Variants in CNNM1 observed in about 807,000 individuals in gnomAD.
CNNM1 encodes cyclin and CBS domain divalent metal cation transport mediator 1.
CNNM1 carries 44 observed loss-of-function variants against 78.8 expected under a neutral mutation model. The observed-to-expected ratio is 0.56, with a 90% CI of 0.44 to 0.72. CNNM1 has a LOEUF of 0.72. Among genes scored for constraint, CNNM1 ranks in the 30% least tolerant of loss-of-function variants. The probability of loss-of-function intolerance (pLI) is 0.00; values close to 1 mark genes in which losing one functional copy is unlikely to be tolerated. For synonymous variants in CNNM1, 584 were observed against 581.5 expected (o/e 1.00, Z -0.06); for missense variants, 1,101 against 1,292.2 (o/e 0.85, Z 2.27).
chr10:99,362,793 C>T (rs1366425110), intron 4 of CNNM1, among the ~76,000 whole-genome samples: 1 of 152,146 alleles, frequency 6.6e-6, no homozygotes, highest in Non-Finnish European at 1.5e-5. Flanking sequence ...AAACCCTTCT[C>T]TCTGTCAAGT....
intron 1 of CNNM1, among the ~76,000 whole-genome samples, chr10:99,347,762 C>T (rs2030762218): frequency 1.3e-5 from 2 of 152,066 alleles, no homozygotes; most frequent in Admixed American, 1.3e-4. Context: ...GCATTGGCCT[C>T]CTTGCCATTC....
chr10:99,377,279 G>A (rs1364294807), intron 7 of CNNM1, 61 bp downstream of exon 7: 6 of 1,515,326 alleles, frequency 4.0e-6, no homozygotes, highest in African/African-American at 1.4e-5. Flanking sequence ...TGGCTGAGCG[G>A]GACAAGAAGA....
chr10:99,385,658 T>C (rs901643482), intron 7 of CNNM1, among the ~76,000 whole-genome samples: 12 of 152,252 alleles, frequency 7.9e-5, no homozygotes, highest in African/African-American at 2.7e-4. Flanking sequence ...GTTATCTCAT[T>C]ATCTCTGGGC....
At chr10:99,335,130 A>G (rs765173075) in intron 1 of CNNM1, among the ~76,000 whole-genome samples, 1 of 152,196 alleles carries the variant, frequency 6.6e-6, no homozygotes, top group Non-Finnish European at 1.5e-5. Context: ...ATTCACCTCC[A>G]GTTTCTGCAG....
intron 6 of CNNM1, among the ~76,000 whole-genome samples, chr10:99,376,210 T>A (rs1564956890): frequency 6.6e-6 from 1 of 152,112 alleles, no homozygotes; most frequent in East Asian, 1.9e-4. Context: ...TGTCCTCCCT[T>A]CTAAACCACA....
chr10:99,334,938 A>G (rs1047238656), intron 1 of CNNM1, among the ~76,000 whole-genome samples: 1 of 152,214 alleles, frequency 6.6e-6, no homozygotes, highest in Non-Finnish European at 1.5e-5. Flanking sequence ...GATCAATAAC[A>G]TGACTTGTAC....
At position 99,390,545 on chromosome 10, in the gene CNNM1, G is replaced by A. The variant is rs116932279; in HGVS notation, c.2776+138G>A. The A allele has an allele frequency of 2.3e-3, 1,541 of 665,776 alleles. 25 individuals are homozygous for A. The East Asian group carries it at 0.035, about 15-fold the overall frequency. 41.2% of individuals were successfully genotyped at this position (665,776 alleles called of 1,614,324 possible). A position where few individuals can be genotyped will look rare whatever the true frequency, so the allele number is the denominator to read the frequency against. ...TAATGAGGTACAATTGTGGAAATCC[G>A]CAGAAGGGGTTGGGCCAGCACTGCA... On this transcript the variant is annotated intron_variant, in intron 10 of 10. Coordinates refer to ENST00000356713, the MANE Select transcript of CNNM1 (RefSeq NM_020348.3).
At chr10:99,364,629 A>AGGC in intron 5 of CNNM1, 113 bp downstream of exon 5, 1 of 853,752 alleles carries the variant, frequency 1.2e-6, no homozygotes, top group Non-Finnish European at 1.8e-6. Flanking sequence ...TGGACAAGCC[A>AGGC]TTTAACTTCC....
At position 99,329,448 on chromosome 10, in the gene CNNM1, C is replaced by A. The variant is rs1453576185; in HGVS notation, c.61C>A (p.Arg21=). Residue 21 remains arginine (R), a synonymous_variant, in exon 1 of 11, where the codon CGA becomes AGA. Transcript: ENST00000356713. ...VGVRLRDCCS[R]GAVLLLFFSL... ...TGTCAGGCTCCGGGACTGCTGCAGC[C>A]GAGGCGCTGTGCTCCTGCTCTTCTT... 3 of 1,331,772 alleles carry A rather than the reference C, an allele frequency of 2.3e-6. No homozygotes were observed. Among genetic ancestry groups the A allele is most frequent in the African/African-American group, 1.5e-5 (1 of 65,290 alleles). The allele number at this position is 1,331,772 out of a possible 1,614,324, so 82.5% of individuals were successfully genotyped here. A position where few individuals can be genotyped will look rare whatever the true frequency, so the allele number is the denominator to read the frequency against.
chr10:99,329,922 G>C lies in CNNM1; in HGVS notation c.535G>C (p.Gly179Arg). Residue 179 changes from glycine to arginine, a missense_variant, in exon 1 of 11, where the codon GGT becomes CGT. Gly to Arg is a moderately radical substitution (Grantham distance 125). Transcript: ENST00000356713. ...KGEAERGGAG[G>R]GGKLFSLCAW... is the part of the protein sequence containing the mutation. ...CGAAGCGGAGCGGGGCGGCGCGGGC[G>C]GTGGCGGGAAGCTCTTTTCACTCTG... 7.2e-7 allele frequency: 1 copy of C among 1,382,918 alleles called. No individual in the cohort carries two copies. The highest frequency in any genetic ancestry group is 9.3e-7 in the Non-Finnish European group (1 of 1,076,430). The allele number at this position is 1,382,918 out of a possible 1,614,324, so 85.7% of individuals were successfully genotyped here. A position where few individuals can be genotyped will look rare whatever the true frequency, so the allele number is the denominator to read the frequency against.
At position 99,330,634 on chromosome 10, in the gene CNNM1, A is replaced by G. The variant is rs1359520963; in HGVS notation, c.1247A>G (p.Asn416Ser). The change falls in exon 1 of 11, where the codon AAC becomes AGC. Residue 416 changes from asparagine (N) to serine (S), a missense_variant. Asn to Ser is a conservative substitution (Grantham distance 46). Coordinates refer to ENST00000356713, the MANE Select transcript of CNNM1 (RefSeq NM_020348.3). The stretch of plus-strand genomic sequence containing the variant: ...AGTGACCTGGTGAAGGAGGAGCTCA[A>G]CATCATACAGGGTGCCCTGGAGCTG... ...PYSDLVKEEL[N>S]IIQGALELRT... is the part of the protein sequence containing the mutation. 1 of 1,613,916 alleles carries G rather than the reference A, an allele frequency of 6.2e-7. No homozygotes were observed. The highest frequency in any genetic ancestry group is 8.5e-7 in the Non-Finnish European group (1 of 1,179,846).
At chr10:99,333,123 A>G (rs2029994126) in intron 1 of CNNM1, among the ~76,000 whole-genome samples, 1 of 152,158 alleles carries the variant, frequency 6.6e-6, no homozygotes, top group Non-Finnish European at 1.5e-5. Context: ...CTCTGTATGC[A>G]TGCATCCCTG....
Position 99,330,234 on chromosome 10 carries a change from C to G in CNNM1, c.847C>G (p.Leu283Val). 2.0e-6 allele frequency: 3 copies of G among 1,536,686 alleles called. No homozygotes were observed. The highest frequency in any genetic ancestry group is 2.6e-6 in the Non-Finnish European group (3 of 1,143,720). Reference protein sequence around the residue: ...QAVRGRGTHLLCTLLLGQAGA... With the variant: ...QAVRGRGTHLVCTLLLGQAGA... The stretch of plus-strand genomic sequence containing the variant: ...CGTTCGCGGCAGGGGGACCCATCTG[C>G]TCTGCACCCTACTCCTGGGCCAAGC... Residue 283 changes from leucine (L) to valine (V), a missense_variant, in exon 1 of 11, where the codon CTC becomes GTC. Physicochemically the swap from Leu to Val is conservative, Grantham distance 32 (BLOSUM62 1). This residue lies in a region of CNNM1 where 476 missense variants were observed against 484.5 expected (regional missense o/e 0.98). Transcript: ENST00000356713.
At chr10:99,378,373 T>C (rs1031740597) in intron 7 of CNNM1, among the ~76,000 whole-genome samples, 11 of 152,238 alleles carry the variant, frequency 7.2e-5, no homozygotes, top group African/African-American at 2.7e-4. Context: ...TTGGTAGCTG[T>C]TGCACAGTTG....
intron 1 of CNNM1, among the ~76,000 whole-genome samples, chr10:99,339,605 A>G (rs779181430): frequency 2.0e-5 from 3 of 152,204 alleles, no homozygotes; most frequent in Non-Finnish European, 4.4e-5. Context: ...CTAATGCCTG[A>G]TGATCTGAGG....
chr10:99,393,660 G>C lies in CNNM1; in HGVS notation c.*2144G>C, dbSNP rs1470237782. 1 of 152,244 alleles carries C rather than the reference G, an allele frequency of 6.6e-6. No individual in the cohort carries two copies. The allele number at this position is 152,244 out of a possible 1,614,324, so 9.4% of individuals were successfully genotyped here. ...TTTCAAATGTCCATCAATTGATGGG[G>C]AAGGCTGGCACCCACCAAGAAGTGG... On this transcript the variant is annotated 3_prime_UTR_variant, in exon 11 of 11. Coordinates refer to ENST00000356713, the MANE Select transcript of CNNM1 (RefSeq NM_020348.3).
At chr10:99,381,682 C>CG (rs1224209638) in intron 7 of CNNM1, among the ~76,000 whole-genome samples, 1 of 150,530 alleles carries the variant, frequency 6.6e-6, no homozygotes. Flanking sequence ...GCGGAGGTTG[C>CG]GGTGAGCCGA....
At chr10:99,331,661 G>C (rs2029918125) in intron 1 of CNNM1, among the ~76,000 whole-genome samples, 1 of 152,158 alleles carries the variant, frequency 6.6e-6, no homozygotes, top group Non-Finnish European at 1.5e-5. Context: ...GAGCCCAGGA[G>C]TTCAAAGCTG....
chr10:99,359,950 G>A (rs2031373519), intron 2 of CNNM1, among the ~76,000 whole-genome samples: 1 of 150,874 alleles, frequency 6.6e-6, no homozygotes, highest in Admixed American at 6.6e-5. Context: ...AAAAAAAAGC[G>A]GGGGCCGGGG....
Sources: allele counts gnomAD v4.1 joint callset (sites outside exome capture counted in the v4.1 genomes callset), GRCh38; gene constraint gnomAD v4.1.1; regional missense constraint gnomAD v4.1.1; transcripts MANE v1.5; gene names NCBI Gene and HGNC (gene_info 2026-07-23, HGNC 2026-07-21).